COG5: variants seen among roughly 807,000 people sequenced by gnomAD.
COG5 encodes component of oligomeric golgi complex 5.
In COG5, 86 loss-of-function variants were observed where a neutral mutation model predicts 110.4. That is an observed-to-expected ratio of 0.78 (90% CI 0.65 to 0.93). The LOEUF (loss-of-function observed/expected upper bound fraction) is 0.93. Ranked by LOEUF, COG5 falls within the 40% of genes least tolerant of loss-of-function variation. The pLI, the probability that COG5 is intolerant of heterozygous loss-of-function variation, is 0.00. For missense variants in COG5, 1,077 were observed against 987.0 expected (o/e 1.09, Z -1.22); for synonymous variants, 360 against 334.6 (o/e 1.08, Z -0.83).
At chr7:107,218,237 G>A (rs1209942735) in intron 19 of COG5, among the ~76,000 whole-genome samples, 2 of 151,966 alleles carry the variant, frequency 1.3e-5, no homozygotes, top group Non-Finnish European at 2.9e-5. Flanking sequence ...CTGTGTTCAC[G>A]GACTTGAAGA....
intron 6 of COG5, chr7:107,471,354 T>C (rs1331709606): frequency 6.6e-6 from 1 of 152,076 alleles, no homozygotes; most frequent in Non-Finnish European, 1.5e-5. Context: ...TCTTAACCAA[T>C]TTTCTTCTTT....
intron 7 of COG5, among the ~76,000 whole-genome samples, chr7:107,385,633 C>T (rs183329083): frequency 3.3e-5 from 5 of 152,174 alleles, no homozygotes; most frequent in Admixed American, 3.3e-4. Flanking sequence ...TATGATTCCA[C>T]TTAACATGAG....
chr7:107,549,595 G>C (rs1489977642), intron 3 of COG5, among the ~76,000 whole-genome samples: 7 of 150,960 alleles, frequency 4.6e-5, no homozygotes, highest in African/African-American at 1.7e-4. Flanking sequence ...GTAGAGATGG[G>C]GTTTCACCAT....
chr7:107,536,760 T>C (rs933937809), intron 5 of COG5, among the ~76,000 whole-genome samples: 1 of 152,122 alleles, frequency 6.6e-6, no homozygotes, highest in African/African-American at 2.4e-5. Context: ...TAGAAAAAAC[T>C]ACTTTAAATT....
intron 11 of COG5, among the ~76,000 whole-genome samples, chr7:107,299,824 G>T (rs1807077435): frequency 7.0e-5 from 4 of 57,476 alleles, no homozygotes; most frequent in Admixed American, 1.8e-4. Context: ...ATTCATAGTT[G>T]GCATATATAT....
intron 7 of COG5, among the ~76,000 whole-genome samples, chr7:107,404,903 A>AAC: frequency 6.6e-6 from 1 of 151,504 alleles, no homozygotes; most frequent in South Asian, 2.1e-4. Flanking sequence ...AAAAAAAAAA[A>AAC]AAAAACAGTT....
chr7:107,559,197 T>C (rs538378206), intron 1 of COG5, among the ~76,000 whole-genome samples: 1 of 152,184 alleles, frequency 6.6e-6, no homozygotes, highest in Admixed American at 6.5e-5. Context: ...CTGTTTAAAA[T>C]AGGCCCCTAA....
intron 6 of COG5, among the ~76,000 whole-genome samples, chr7:107,439,517 T>C (rs1794580181): frequency 6.6e-6 from 1 of 152,092 alleles, no homozygotes; most frequent in East Asian, 1.9e-4. Flanking sequence ...AAATTACATT[T>C]ATAACTTTAT....
intron 7 of COG5, among the ~76,000 whole-genome samples, chr7:107,390,425 T>A (rs1790537468): frequency 6.6e-6 from 1 of 152,086 alleles, no homozygotes; most frequent in Non-Finnish European, 1.5e-5. Flanking sequence ...AGCAACAAGA[T>A]GCACTAACAT....
intron 6 of COG5, among the ~76,000 whole-genome samples, chr7:107,483,431 C>T (rs1013455943): frequency 6.6e-6 from 1 of 152,122 alleles, no homozygotes; most frequent in Admixed American, 6.5e-5. Context: ...CAAGGCTGGG[C>T]ATGGTGGCAC....
chr7:107,382,154 T>G (rs1815181957), intron 7 of COG5, among the ~76,000 whole-genome samples: 1 of 152,186 alleles, frequency 6.6e-6, no homozygotes, highest in African/African-American at 2.4e-5. Context: ...TCAGTCCCTG[T>G]ACAGGGTTCC....
chr7:107,426,826 A>G (rs914625761), intron 6 of COG5, among the ~76,000 whole-genome samples: 4 of 152,202 alleles, frequency 2.6e-5, no homozygotes, highest in African/African-American at 9.7e-5. Flanking sequence ...CTAGACCTGT[A>G]AAACTTTGTT....
At chr7:107,453,637 G>A (rs1180627339) in intron 6 of COG5, among the ~76,000 whole-genome samples, 2 of 152,082 alleles carry the variant, frequency 1.3e-5, no homozygotes, top group African/African-American at 2.4e-5. Context: ...CCTTTCTAAA[G>A]CTAGTAAAAC....
At chr7:107,248,560 A>C in intron 16 of COG5, 61 bp from the exon 17 acceptor site, 1 of 1,144,204 alleles carries the variant, frequency 8.7e-7, no homozygotes, top group African/African-American at 1.6e-5. Flanking sequence ...CAACCCAAAG[A>C]AATTTGAGAT....
intron 5 of COG5, among the ~76,000 whole-genome samples, chr7:107,544,364 A>T (rs897041351): frequency 6.6e-6 from 1 of 152,206 alleles, no homozygotes; most frequent in Admixed American, 6.5e-5. Context: ...CCAAGGGACC[A>T]GGCTTCAGAC....
intron 5 of COG5, among the ~76,000 whole-genome samples, chr7:107,535,856 TA>T (rs767480322): frequency 1.0e-3 from 155 of 150,884 alleles, no homozygotes; most frequent in Non-Finnish European, 1.7e-3. Context: ...AGACACAACA[TA>T]AAAAATTTCA....
intron 6 of COG5, among the ~76,000 whole-genome samples, chr7:107,432,764 G>T (rs373729826): frequency 6.6e-6 from 1 of 151,532 alleles, no homozygotes; most frequent in African/African-American, 2.4e-5. Context: ...ATCCATTTTC[G>T]CAAAAAAAAT....
At chr7:107,275,414 T>C (rs1008118609) in intron 14 of COG5, among the ~76,000 whole-genome samples, 4 of 152,048 alleles carry the variant, frequency 2.6e-5, no homozygotes, top group African/African-American at 9.6e-5. Flanking sequence ...TTGCACATAA[T>C]ATAAAAACTC....
intron 6 of COG5, among the ~76,000 whole-genome samples, chr7:107,467,490 G>A (rs1796365620): frequency 6.6e-6 from 1 of 152,066 alleles, no homozygotes; most frequent in African/African-American, 2.4e-5. Flanking sequence ...GCGAGGAGCT[G>A]GACTAGAGGC....
Sources: gnomAD v4.1 joint callset for allele counts (sites outside exome capture counted in the v4.1 genomes callset) on GRCh38, gnomAD v4.1.1 for gene constraint, MANE v1.5 for transcripts, NCBI Gene and HGNC (gene_info 2026-07-23, HGNC 2026-07-21) for gene names.